The following ABR variants were observed in gnomAD, a reference collection of about 807,000 sequenced individuals.
The protein encoded by ABR is active breakpoint cluster region-related protein.
ABR carries 35 observed loss-of-function variants against 107.2 expected under a neutral mutation model. That is an observed-to-expected ratio of 0.33 (90% CI 0.25 to 0.43). The LOEUF (loss-of-function observed/expected upper bound fraction) is 0.43. ABR is among the 20% of genes least tolerant of loss of function. ABR has a pLI of 1.00. For missense variants in ABR, 815 were observed against 1,115.2 expected (o/e 0.73, Z 3.83); for synonymous variants, 498 against 462.0 (o/e 1.08, Z -1.00).
In ABR at chr17:1,070,514, C is replaced by T. The variant is rs12947905; in HGVS notation, c.895-424G>A. Among the ~76,000 whole-genome samples, 28,192 of 152,138 alleles carry T rather than the reference C, an allele frequency of 0.19. 3,052 individuals carry two copies. The highest frequency in any genetic ancestry group is 0.25 in the South Asian group (1,202 of 4,804). On this transcript the variant is annotated intron_variant, in intron 8 of 22. Coordinates refer to ENST00000302538, the MANE Select transcript of ABR (RefSeq NM_021962.5). This position sits in a 1 kb window ranked among gnomAD's most constrained non-coding sequence, Gnocchi z 4.2. ...CTCCACCCTGGGGCACGAACATCCC[C>T]GTTTGCAATCCCTCCCGACCGCGGC...
intron 14 of ABR, among the ~76,000 whole-genome samples, chr17:1,054,297 A>C (rs2032952218): frequency 6.6e-6 from 1 of 152,166 alleles, no homozygotes; most frequent in Admixed American, 6.5e-5. Context: ...GTGCTGTGTA[A>C]ATTAACGACT....
At chr17:1,049,994 A>C in intron 16 of ABR, 56 bp downstream of exon 16, 1 of 1,565,224 alleles carries the variant, frequency 6.4e-7, no homozygotes, top group Non-Finnish European at 8.6e-7. Flanking sequence ...ATTCCTTTTC[A>C]ACTGGAACCA....
intron 2 of ABR, among the ~76,000 whole-genome samples, chr17:1,120,624 C>T (rs959259728): frequency 3.3e-5 from 5 of 152,184 alleles, no homozygotes; most frequent in African/African-American, 1.2e-4. Context: ...TTTGGGTTCT[C>T]CTGCAGGCTG....
At position 1,050,699 on chromosome 17, in the gene ABR, A is replaced by T; in HGVS notation, c.1562-65T>A. 1.5e-6 allele frequency: 2 copies of T among 1,329,606 alleles called. No individual in the cohort carries two copies. Among genetic ancestry groups the T allele is most frequent in the Non-Finnish European group, 2.2e-6 (2 of 923,476 alleles). The allele number at this position is 1,329,606 out of a possible 1,614,324, so 82.4% of individuals were successfully genotyped here. ...GCCAGGGTGGGGCAGCTGGGGCGGC[A>T]CTCAGGATGGAGGGGGACATCGCAT... is the stretch of plus-strand genomic sequence containing the variant. On this transcript the variant is annotated intron_variant, in intron 14 of 22. Transcript: ENST00000302538. This position sits in a 1 kb window ranked among gnomAD's most constrained non-coding sequence, Gnocchi z 4.6.
At chr17:1,057,573 TCA>T (rs572189973) in intron 12 of ABR, among the ~76,000 whole-genome samples, 130 of 151,714 alleles carry the variant, frequency 8.6e-4, no homozygotes, top group African/African-American at 3.1e-3. Flanking sequence ...AGACGGGGTT[TCA>T]CCACGTTGCC....
intron 16 of ABR, chr17:1,031,796 C>T: frequency 8.1e-7 from 1 of 1,229,758 alleles, no homozygotes. Flanking sequence ...AGCGCTCAGT[C>T]CCGGCTGCCA....
At chr17:1,127,177 T>C (rs1363936530) in intron 1 of ABR, among the ~76,000 whole-genome samples, 1 of 152,144 alleles carries the variant, frequency 6.6e-6, no homozygotes, top group Non-Finnish European at 1.5e-5. Flanking sequence ...CCAGGGGACA[T>C]GGACTAGTTT....
intron 3 of ABR, among the ~76,000 whole-genome samples, chr17:1,098,075 C>CTT (rs71372509): frequency 5.7e-5 from 8 of 140,668 alleles, no homozygotes; most frequent in Admixed American, 7.2e-5. Flanking sequence ...GTTTTCTTTT[C>CTT]TTTTTTTTTT....
intron 1 of ABR, among the ~76,000 whole-genome samples, chr17:1,156,557 A>G (rs2041051693): frequency 6.6e-6 from 1 of 152,118 alleles, no homozygotes; most frequent in East Asian, 1.9e-4. Context: ...GGTGGCGCAC[A>G]CCTACAATCC....
At chr17:1,111,806 C>T (rs1424432046) in intron 2 of ABR, among the ~76,000 whole-genome samples, 9 of 152,190 alleles carry the variant, frequency 5.9e-5, no homozygotes, top group Non-Finnish European at 1.0e-4. Flanking sequence ...AGTGGTGGCC[C>T]GCTGCCAGCT....
In ABR at chr17:1,078,313, C is replaced by A. The variant is rs745481913; in HGVS notation, c.700+1017G>T. On this transcript the variant is annotated intron_variant, in intron 6 of 22. Coordinates refer to ENST00000302538, the MANE Select transcript of ABR (RefSeq NM_021962.5). This position sits in a 1 kb window ranked among gnomAD's most constrained non-coding sequence, Gnocchi z 7.5. ...TGCATGTGCGCGGAGCACACAATACCGTGCCGCCCAGCCTCCGCGCCTCTC... is the reference window on the plus strand; with the variant it reads ...TGCATGTGCGCGGAGCACACAATACAGTGCCGCCCAGCCTCCGCGCCTCTC... Among the ~76,000 whole-genome samples, 1 of 152,148 alleles carries A rather than the reference C, an allele frequency of 6.6e-6. No homozygotes were observed. Among genetic ancestry groups the A allele is most frequent in the Non-Finnish European group, 1.5e-5 (1 of 68,022 alleles).
rs114769558 is a variant in ABR, at chr17:1,215,068, A to G, written c.838+13725T>C. 5.5e-3 allele frequency among the ~76,000 whole-genome samples: 831 copies of G among 151,578 alleles called. 12 individuals are homozygous for G. Among genetic ancestry groups the G allele is most frequent in the African/African-American group, 0.02 (811 of 41,308 alleles). On this transcript the variant is annotated intron_variant, in intron 1 of 22. Coordinates refer to the ABR transcript ENST00000574139. Reference sequence around the variant, plus strand: ...AACCCCATTTCTACAAAACATACAGAAATTAGGTAGGCGTGATGGTGTGTG... The same window carrying G: ...AACCCCATTTCTACAAAACATACAGGAATTAGGTAGGCGTGATGGTGTGTG...
chr17:1,029,314 C>CT (rs2072514090), intron 16 of ABR, among the ~76,000 whole-genome samples: 3 of 151,988 alleles, frequency 2.0e-5, no homozygotes, highest in Non-Finnish European at 2.9e-5. Context: ...CACAGGGACC[C>CT]CCGCTGGTAC....
In ABR at chr17:1,013,096, C is replaced by T. The variant is rs2070773460; in HGVS notation, c.1851+9G>A. ...CTCACGCCACTGATCATTCCCATCC[C>T]CGGCTCACCCCGTTCATCTCAATCA... On this transcript the variant is annotated intron_variant, in intron 17 of 22. Transcript: ENST00000302538. 6.2e-7 allele frequency: 1 copy of T among 1,614,010 alleles called. No individual in the cohort carries two copies. The highest frequency in any genetic ancestry group is 8.5e-7 in the Non-Finnish European group (1 of 1,179,912).
chr17:1,023,119 A>AGAGCCTCTGCCGGCCCCACGTCCACTC (rs1167753663), intron 16 of ABR, among the ~76,000 whole-genome samples: 7 of 99,002 alleles, frequency 7.1e-5, no homozygotes, highest in African/African-American at 2.4e-4. Flanking sequence ...CACGTCCACT[A>AGAGCCTCTGCCGGCCCCACGTCCACTC]CAGCGCCTCT....
intron 12 of ABR, among the ~76,000 whole-genome samples, chr17:1,057,308 TTGTGTG>T (rs750525310): frequency 0.012 from 798 of 67,854 alleles, 9 homozygotes; most frequent in Admixed American, 0.039. Context: ...CTGAAGAGGT[TTGTGTG>T]TGTGTGTGTG....
At chr17:1,168,178 C>A (rs768713778) in intron 1 of ABR, among the ~76,000 whole-genome samples, 8 of 151,980 alleles carry the variant, frequency 5.3e-5, no homozygotes, top group African/African-American at 1.2e-4. Context: ...CCCAGCTACT[C>A]GGGAGGCTGA....
intron 16 of ABR, among the ~76,000 whole-genome samples, chr17:1,049,473 T>A (rs1321793217): frequency 2.6e-5 from 4 of 151,998 alleles, no homozygotes; most frequent in Admixed American, 1.3e-4. Flanking sequence ...GAAGCATAAA[T>A]ACCCTTAACC....
chr17:1,137,744 G>A lies in ABR; in HGVS notation c.62-12377C>T, dbSNP rs2040137748. 2.6e-5 allele frequency among the ~76,000 whole-genome samples: 4 copies of A among 152,314 alleles called. No homozygotes were observed. The South Asian group carries it at 8.3e-4, about 32-fold the overall frequency. On this transcript the variant is annotated intron_variant, in intron 1 of 22. Coordinates refer to ENST00000302538, the MANE Select transcript of ABR (RefSeq NM_021962.5). ...GCATCTTTGAAGCTCAACTAAGCAT[G>A]GAGGTGCCGTAAAGCGAGGTACGCC...
Sources: allele counts gnomAD v4.1 joint callset (sites outside exome capture counted in the v4.1 genomes callset), GRCh38; gene constraint gnomAD v4.1.1; non-coding constraint Gnocchi (gnomAD v3.1); transcripts MANE v1.5; gene names NCBI Gene and HGNC (gene_info 2026-07-23, HGNC 2026-07-21).